Variants in SLC26A7 observed in about 807,000 individuals in gnomAD.
The protein encoded by SLC26A7 is anion exchange transporter.
SLC26A7 carries 59 observed loss-of-function variants against 82.5 expected under a neutral mutation model. The observed-to-expected ratio is 0.72, with a 90% confidence interval of 0.58 to 0.89. The LOEUF (loss-of-function observed/expected upper bound fraction) is 0.89. Among genes scored for constraint, SLC26A7 ranks in the 40% least tolerant of loss-of-function variants. The probability of loss-of-function intolerance (pLI) is 0.00; values close to 1 mark genes in which losing one functional copy is unlikely to be tolerated. For synonymous variants in SLC26A7, 271 were observed against 274.3 expected (o/e 0.99, Z 0.12); for missense variants, 820 against 793.0 (o/e 1.03, Z -0.41).
intron 2 of SLC26A7, among the ~76,000 whole-genome samples, chr8:91,265,493 C>T (rs552575724): frequency 1.3e-5 from 2 of 152,084 alleles, no homozygotes; most frequent in East Asian, 1.9e-4. Flanking sequence ...TGCTAATTTA[C>T]TTTCCCACCA....
At chr8:91,353,367 T>G (rs540028336) in intron 11 of SLC26A7, among the ~76,000 whole-genome samples, 1 of 152,174 alleles carries the variant, frequency 6.6e-6, no homozygotes, top group Admixed American at 6.6e-5. Flanking sequence ...AAAACTATCA[T>G]GAATCACTAA....
chr8:91,310,317 A>G (rs1421285450), intron 4 of SLC26A7, among the ~76,000 whole-genome samples: 1 of 152,122 alleles, frequency 6.6e-6, no homozygotes, highest in Non-Finnish European at 1.5e-5. Flanking sequence ...GCCTTTAGCT[A>G]GCTGTCAAGG....
chr8:91,227,595 A>AT (rs1171879521), intron 2 of SLC26A7, among the ~76,000 whole-genome samples: 1 of 152,200 alleles, frequency 6.6e-6, no homozygotes, highest in African/African-American at 2.4e-5. Flanking sequence ...TCACAATGGT[A>AT]TTAGTTGGAT....
intron 2 of SLC26A7, among the ~76,000 whole-genome samples, chr8:91,229,572 G>C (rs1185329306): frequency 6.6e-6 from 1 of 152,096 alleles, no homozygotes; most frequent in East Asian, 1.9e-4. Flanking sequence ...TTTGACGTAA[G>C]TTGTAAACAT....
At position 91,362,383 on chromosome 8, in the gene SLC26A7, A is replaced by G; in HGVS notation, c.1345A>G (p.Ile449Val). 5 of 1,613,266 alleles carry G rather than the reference A, an allele frequency of 3.1e-6. No individual in the cohort carries two copies. The highest frequency in any genetic ancestry group is 4.2e-6 in the Non-Finnish European group (5 of 1,179,348). Residue 449 changes from isoleucine to valine, a missense_variant, in exon 12 of 19, where the codon ATA (isoleucine) becomes GTA (valine). Physicochemically the swap from Ile to Val is conservative, Grantham distance 29. Coordinates refer to ENST00000276609, the MANE Select transcript of SLC26A7 (RefSeq NM_052832.4). ...ATGGGTCAGTACATATGTATTTACA[A>G]TATGCTTTGCTGCCAATGTGGGACT... The part of the protein sequence containing the change: ...GIWVSTYVFT[I>V]CFAANVGLLF...
Position 91,317,290 on chromosome 8 carries a change from T to G in SLC26A7, c.478-926T>G, listed in dbSNP as rs533820437. ...ATTCTGCCTGGTCATGAAATGGTTT[T>G]GAGATGGAGGATGTTGCTATGAAAA... On this transcript the variant is annotated intron_variant, in intron 4 of 18. Transcript: ENST00000276609. Among the ~76,000 whole-genome samples, 5 of 152,272 alleles carry G rather than the reference T, an allele frequency of 3.3e-5. No individual in the cohort carries two copies. In the East Asian group the frequency reaches 9.6e-4, roughly 29 times the overall value.
At chr8:91,234,201 A>T (rs191893543) in intron 2 of SLC26A7, among the ~76,000 whole-genome samples, 3 of 152,158 alleles carry the variant, frequency 2.0e-5, no homozygotes, top group African/African-American at 4.8e-5. Context: ...TGTGTGTTAA[A>T]TGTTGGTTAG....
At chr8:91,280,085 G>A (rs1430947947) in intron 2 of SLC26A7, among the ~76,000 whole-genome samples, 2 of 152,030 alleles carry the variant, frequency 1.3e-5, no homozygotes, top group Admixed American at 6.6e-5. Flanking sequence ...CCTTTGCTGT[G>A]CAGAAGCTTT....
rs751099381 is a variant in SLC26A7, at chr8:91,249,817, A to G, written c.166A>G (p.Met56Val). The change falls in exon 2 of 19, where the codon ATG becomes GTG. Residue 56 changes from methionine (M) to valine (V), a missense_variant. Physicochemically the swap from Met to Val is conservative, Grantham distance 21. Transcript: ENST00000276609. ...NLLPDTVSGIMLAVQQVTQGL... is the reference protein window; with the variant it reads ...NLLPDTVSGIVLAVQQVTQGL... ...GCTTCCAGACACTGTGTCTGGGATA[A>G]TGTTGGCAGTTCAACAGGTGACCCA... 2.5e-6 allele frequency: 4 copies of G among 1,607,220 alleles called. No individual in the cohort carries two copies. Among genetic ancestry groups the G allele is most frequent in the African/African-American group, 2.7e-5 (2 of 74,550 alleles).
chr8:91,370,098 C>T (rs1182474476), intron 15 of SLC26A7, among the ~76,000 whole-genome samples: 1 of 151,852 alleles, frequency 6.6e-6, no homozygotes, highest in Non-Finnish European at 1.5e-5. Context: ...CTTTCTTTCT[C>T]CCACTTCTTC....
intron 5 of SLC26A7, among the ~76,000 whole-genome samples, chr8:91,325,723 A>G (rs1372883929): frequency 2.0e-5 from 3 of 152,182 alleles, no homozygotes; most frequent in African/African-American, 7.2e-5. Flanking sequence ...TCTTCCCTCC[A>G]TAACCCAAGG....
intron 1 of SLC26A7, among the ~76,000 whole-genome samples, chr8:91,218,008 G>A (rs1810085522): frequency 6.6e-6 from 1 of 152,104 alleles, no homozygotes; most frequent in South Asian, 2.1e-4. Flanking sequence ...TCTCTCAAGG[G>A]TGGATCAATA....
At chr8:91,389,569 C>CGTCCTTT in intron 16 of SLC26A7, 131 bp downstream of exon 16, 2 of 710,908 alleles carry the variant, frequency 2.8e-6, no homozygotes, top group Non-Finnish European at 4.9e-6. Flanking sequence ...TTACAAAGGA[C>CGTCCTTT]GTAGAACTTT....
At chr8:91,210,556 CACACAG>C (rs1037237410) in intron 1 of SLC26A7, among the ~76,000 whole-genome samples, 4 of 99,984 alleles carry the variant, frequency 4.0e-5, no homozygotes, top group Non-Finnish European at 8.8e-5. Flanking sequence ...GACACACACA[CACACAG>C]ACACACACAC....
Position 91,366,312 on chromosome 8 carries a change from T to C in SLC26A7, c.1489-268T>C, listed in dbSNP as rs1259034591. ...GAACTCTTTGGATAGTCTAGGCTAC[T>C]GCCTCCTGAAAAACCAGCTAGGAGG... On this transcript the variant is annotated intron_variant, in intron 13 of 18. Coordinates refer to ENST00000276609, the MANE Select transcript of SLC26A7 (RefSeq NM_052832.4). Among the ~76,000 whole-genome samples the C allele has an allele frequency of 5.3e-5, 8 of 152,212 alleles. No individual in the cohort carries two copies. In the South Asian group the frequency reaches 6.2e-4, roughly 12 times the overall value.
At position 91,395,134 on chromosome 8, in the gene SLC26A7, A is replaced by G. The variant is rs1808533770; in HGVS notation, c.*37A>G. The G allele has an allele frequency of 6.2e-7, 1 of 1,612,154 alleles. No individual in the cohort carries two copies. The highest frequency in any genetic ancestry group is 8.5e-7 in the Non-Finnish European group (1 of 1,178,976). On this transcript the variant is annotated 3_prime_UTR_variant, in exon 19 of 19. Coordinates refer to ENST00000276609, the MANE Select transcript of SLC26A7 (RefSeq NM_052832.4). ...CACAGTACAGCTCTTGTCTTTACCA[A>G]CTGCCTGAAGAGGCCATATGCTGGC...
At chr8:91,214,638 GA>G in intron 1 of SLC26A7, among the ~76,000 whole-genome samples, 1 of 152,226 alleles carries the variant, frequency 6.6e-6, no homozygotes, top group South Asian at 2.1e-4. Context: ...TTTGGACAAT[GA>G]AGGGATTAGA....
At chr8:91,311,558 AT>A (rs1812487124) in intron 4 of SLC26A7, among the ~76,000 whole-genome samples, 1 of 152,180 alleles carries the variant, frequency 6.6e-6, no homozygotes, top group Non-Finnish European at 1.5e-5. Flanking sequence ...TACATTTACA[AT>A]GTTATGTAAC....
At chr8:91,273,313 A>G (rs1427986978) in intron 2 of SLC26A7, among the ~76,000 whole-genome samples, 1 of 152,144 alleles carries the variant, frequency 6.6e-6, no homozygotes, top group African/African-American at 2.4e-5. Context: ...ATAAAGATGT[A>G]TATATTGTGG....
Sources: gnomAD v4.1 joint callset for allele counts (sites outside exome capture counted in the v4.1 genomes callset) on GRCh38, gnomAD v4.1.1 for gene constraint, MANE v1.5 for transcripts, NCBI Gene and HGNC (gene_info 2026-07-23, HGNC 2026-07-21) for gene names.